The following TNS1 variants were observed in gnomAD, a reference collection of about 807,000 sequenced individuals.
TNS1 encodes tensin-1.
A neutral mutation model predicts 168.6 loss-of-function variants in TNS1; 62 were observed. The observed-to-expected ratio is 0.37, with a 90% CI of 0.30 to 0.45. TNS1 has a LOEUF of 0.45. TNS1 is among the 20% of genes least tolerant of loss of function. TNS1 has a pLI of 1.00. For synonymous variants in TNS1, 934 were observed against 933.2 expected (o/e 1.00, Z -0.02); for missense variants, 2,240 against 2,339.4 (o/e 0.96, Z 0.88).
At chr2:217,888,562 C>T (rs1336747362) in intron 12 of TNS1, among the ~76,000 whole-genome samples, 6 of 152,202 alleles carry the variant, frequency 3.9e-5, no homozygotes, top group Admixed American at 6.5e-5. Context: ...ATAATTCCCT[C>T]GTGTTGTGGG....
intron 16 of TNS1, among the ~76,000 whole-genome samples, chr2:217,884,116 A>G (rs1203835627): frequency 6.9e-5 from 5 of 72,500 alleles, no homozygotes; most frequent in Non-Finnish European, 9.2e-5. Flanking sequence ...CAGACACACA[A>G]GTGATGCTTG....
chr2:217,949,193 G>A (rs1429956442), intron 3 of TNS1, among the ~76,000 whole-genome samples: 1 of 152,198 alleles, frequency 6.6e-6, no homozygotes, highest in Admixed American at 6.5e-5. Context: ...TCTTGGATTC[G>A]ATCTCCTCAT....
chr2:217,913,966 C>T (rs977514502), intron 4 of TNS1, among the ~76,000 whole-genome samples: 3 of 152,128 alleles, frequency 2.0e-5, no homozygotes, highest in Non-Finnish European at 4.4e-5. Flanking sequence ...GAGAGACTTG[C>T]CCAAAACATT....
chr2:217,827,060 C>T (rs1469847922), intron 22 of TNS1, among the ~76,000 whole-genome samples: 1 of 152,082 alleles, frequency 6.6e-6, no homozygotes, highest in Non-Finnish European at 1.5e-5. Flanking sequence ...CCACATGCCC[C>T]CTCCTCCCAG....
intron 3 of TNS1, among the ~76,000 whole-genome samples, chr2:217,921,744 C>A (rs189463398): frequency 2.8e-4 from 42 of 152,308 alleles, no homozygotes; most frequent in African/African-American, 1.0e-3. Flanking sequence ...CCGAACAGAA[C>A]CAACAACAAT....
At chr2:218,017,852 T>G (rs375648213) in intron 1 of TNS1, among the ~76,000 whole-genome samples, 43 of 152,284 alleles carry the variant, frequency 2.8e-4, no homozygotes, top group Non-Finnish European at 5.1e-4. Flanking sequence ...AGCTGCACAC[T>G]GCCCACCCCA....
chr2:217,863,793 G>T (rs1227977725), intron 18 of TNS1, among the ~76,000 whole-genome samples: 2 of 152,136 alleles, frequency 1.3e-5, no homozygotes, highest in African/African-American at 4.8e-5. Context: ...AGAAGGAAGG[G>T]GTCTCCCAAG....
intron 3 of TNS1, chr2:217,937,218 C>T: frequency 2.8e-6 from 1 of 361,230 alleles, no homozygotes; most frequent in Admixed American, 3.5e-5. Context: ...ATCGTGTCTC[C>T]CGGTCTTTCC....
intron 3 of TNS1, chr2:217,937,189 C>T (rs1425026554): frequency 2.7e-6 from 1 of 373,972 alleles, no homozygotes; most frequent in Admixed American, 3.1e-5. Flanking sequence ...CTCCCCTACT[C>T]CCCTACTCCC....
intron 3 of TNS1, among the ~76,000 whole-genome samples, chr2:217,959,908 TC>T (rs1280540639): frequency 6.6e-6 from 1 of 152,006 alleles, no homozygotes; most frequent in Non-Finnish European, 1.5e-5. Context: ...GGGAGATGCC[TC>T]GCCGCTGAGG....
At chr2:217,962,841 C>T (rs568840998) in intron 3 of TNS1, among the ~76,000 whole-genome samples, 1 of 152,238 alleles carries the variant, frequency 6.6e-6, no homozygotes, top group East Asian at 1.9e-4. Flanking sequence ...AATGTGGGAT[C>T]CTGGATTGGA....
intron 3 of TNS1, among the ~76,000 whole-genome samples, chr2:217,946,796 C>A (rs1249175742): frequency 2.0e-5 from 3 of 152,080 alleles, no homozygotes; most frequent in African/African-American, 7.2e-5. Context: ...ATAAACCCAG[C>A]AAGTCCCTTG....
chr2:218,005,924 C>T (rs923302446), upstream of TNS1, among the ~76,000 whole-genome samples: 2 of 152,226 alleles, frequency 1.3e-5, no homozygotes, highest in African/African-American at 4.8e-5. Flanking sequence ...TGCAGACTCT[C>T]CGCAGGCCTG....
At chr2:217,807,545 C>G (rs763195226) in intron 32 of TNS1, among the ~76,000 whole-genome samples, 4 of 152,096 alleles carry the variant, frequency 2.6e-5, no homozygotes, top group Admixed American at 1.3e-4. Flanking sequence ...GGTCAGAGAC[C>G]CAGGCAGGAT....
chr2:218,033,689 T>C lies in TNS1; in HGVS notation c.156+131A>G, dbSNP rs1006495038. On this transcript the variant is annotated intron_variant, in intron 1 of 1. Coordinates refer to the TNS1 transcript ENST00000649572. The surrounding 1 kb of genome is among the most constrained non-coding windows in gnomAD (Gnocchi z 4.3). ...CTTCCTCCCCCTTGGTCCACCTGCCTTGCCGCACTTCCCAAGCAGACTAGC... is the reference window on the plus strand; with the variant it reads ...CTTCCTCCCCCTTGGTCCACCTGCCCTGCCGCACTTCCCAAGCAGACTAGC... 3.9e-5 allele frequency among the ~76,000 whole-genome samples: 6 copies of C among 152,148 alleles called. No homozygotes were observed. Among genetic ancestry groups the C allele is most frequent in the Non-Finnish European group, 5.9e-5 (4 of 68,020 alleles).
intron 3 of TNS1, among the ~76,000 whole-genome samples, chr2:217,952,899 C>T (rs946119598): frequency 3.3e-5 from 5 of 152,200 alleles, no homozygotes; most frequent in Non-Finnish European, 7.3e-5. Flanking sequence ...AGTTGAGCAG[C>T]CCAGTCCTTT....
intron 6 of TNS1, among the ~76,000 whole-genome samples, chr2:217,905,914 T>C (rs1340006872): frequency 3.9e-5 from 6 of 152,234 alleles, no homozygotes; most frequent in African/African-American, 1.4e-4. Context: ...TGGAGCTTGC[T>C]ATTTTCTAAG....
At chr2:217,838,500 G>A (rs1405101557) in intron 19 of TNS1, among the ~76,000 whole-genome samples, 1 of 152,238 alleles carries the variant, frequency 6.6e-6, no homozygotes, top group African/African-American at 2.4e-5. Context: ...CCAGAGGCAG[G>A]GAAATGGAGG....
upstream of TNS1, among the ~76,000 whole-genome samples, chr2:218,005,944 A>G (rs1296174294): frequency 2.6e-5 from 4 of 152,108 alleles, no homozygotes; most frequent in Admixed American, 6.5e-5. Flanking sequence ...GGATGGTTTC[A>G]TTCATCTTGG....
Sources: gnomAD v4.1 joint callset for allele counts (sites outside exome capture counted in the v4.1 genomes callset) on GRCh38, gnomAD v4.1.1 for gene constraint, Gnocchi (gnomAD v3.1) non-coding constraint, MANE v1.5 for transcripts, NCBI Gene and HGNC (gene_info 2026-07-23, HGNC 2026-07-21) for gene names.